The following GBE1 variants were observed in gnomAD, a reference collection of about 807,000 sequenced individuals.
GBE1 encodes 1,4-alpha-glucan branching enzyme 1, also known as 1,4-alpha-glucan-branching enzyme.
A neutral mutation model predicts 88.8 loss-of-function variants in GBE1; 70 were observed. That is an observed-to-expected ratio of 0.79 (90% CI 0.65 to 0.96). GBE1 has a LOEUF of 0.96. GBE1 is among the 40% of genes least tolerant of loss of function. GBE1 has a pLI of 0.00. For synonymous variants in GBE1, 284 were observed against 300.1 expected (o/e 0.95, Z 0.56); for missense variants, 872 against 871.0 (o/e 1.00, Z -0.01).
At chr3:81,530,489 T>C (rs1702997665) in intron 14 of GBE1, among the ~76,000 whole-genome samples, 1 of 152,070 alleles carries the variant, frequency 6.6e-6, no homozygotes, top group Non-Finnish European at 1.5e-5. Flanking sequence ...TTCTAAGTAT[T>C]TGAAGACTTG....
chr3:81,644,301 T>C (rs1454380915), intron 6 of GBE1, among the ~76,000 whole-genome samples: 1 of 152,044 alleles, frequency 6.6e-6, no homozygotes, highest in Non-Finnish European at 1.5e-5. Context: ...GGAGGGAAGG[T>C]TTGCTATTTT....
At chr3:81,529,110 T>C (rs1260441679) in intron 14 of GBE1, among the ~76,000 whole-genome samples, 1 of 152,050 alleles carries the variant, frequency 6.6e-6, no homozygotes, top group Non-Finnish European at 1.5e-5. Flanking sequence ...TTTTTGTCTA[T>C]CTGTGGTAGG....
intron 1 of GBE1, among the ~76,000 whole-genome samples, chr3:81,744,179 T>C (rs1706391170): frequency 6.6e-6 from 1 of 152,124 alleles, no homozygotes; most frequent in Non-Finnish European, 1.5e-5. Flanking sequence ...AACATTATTA[T>C]TAAGCACTTG....
chr3:81,607,088 T>C (rs1704113708), intron 7 of GBE1, among the ~76,000 whole-genome samples: 1 of 152,194 alleles, frequency 6.6e-6, no homozygotes, highest in Non-Finnish European at 1.5e-5. Context: ...TTCATTTTGG[T>C]CAATCATGCA....
chr3:81,743,863 A>T (rs1706385495), intron 1 of GBE1, among the ~76,000 whole-genome samples: 1 of 152,174 alleles, frequency 6.6e-6, no homozygotes, highest in Non-Finnish European at 1.5e-5. Context: ...ACTTAGGGCA[A>T]ACATGACCAC....
intron 7 of GBE1, among the ~76,000 whole-genome samples, chr3:81,631,181 G>A (rs371263652): frequency 4.3e-4 from 65 of 152,246 alleles, no homozygotes; most frequent in African/African-American, 1.5e-3. Context: ...TCCAGCCTGG[G>A]CAACAGAGGG....
rs112966927 is a variant in GBE1, at chr3:81,498,678, T to C, written c.2052+432A>G. Among the ~76,000 whole-genome samples, 8 of 152,294 alleles carry C rather than the reference T, an allele frequency of 5.3e-5. 1 individual carries two copies. The highest frequency in any genetic ancestry group is 1.4e-4 in the African/African-American group (6 of 41,580). On this transcript the variant is annotated intron_variant, in intron 15 of 15. Transcript: ENST00000429644. ...AAAGAAAAGAAAGATACATTTTTCA[T>C]TGACTCCTTTAAGGTGTTTTAAATT...
intron 2 of GBE1, among the ~76,000 whole-genome samples, chr3:81,675,849 G>A (rs772790613): frequency 4.6e-5 from 7 of 151,966 alleles, no homozygotes; most frequent in South Asian, 2.1e-4. Context: ...TGTTTATCAA[G>A]TAAAGAAAAC....
intron 12 of GBE1, among the ~76,000 whole-genome samples, chr3:81,557,773 G>T (rs961075896): frequency 6.6e-6 from 1 of 152,014 alleles, no homozygotes. Flanking sequence ...CAATAAAAGA[G>T]AACCAGTAGA....
rs75622092 is a variant in GBE1, at chr3:81,617,869, C to G, written c.993-23846G>C. On this transcript the variant is annotated intron_variant, in intron 7 of 15. Transcript: ENST00000429644. ...CATGTAGGTTTTCCTATGTTACATG[C>G]TTTTAAGTTACAAATTAAATTTTAT... 6.5e-3 allele frequency among the ~76,000 whole-genome samples: 980 copies of G among 151,880 alleles called. 2 individuals carry two copies. The highest frequency in any genetic ancestry group is 0.027 in the Middle Eastern group (8 of 294).
chr3:81,559,821 T>A (rs886294358), intron 12 of GBE1, among the ~76,000 whole-genome samples: 1 of 151,936 alleles, frequency 6.6e-6, no homozygotes, highest in Non-Finnish European at 1.5e-5. Context: ...ATCAGAAAAG[T>A]CTGCTCCAAA....
At chr3:81,594,860 ATCT>A (rs1320995517) in intron 7 of GBE1, among the ~76,000 whole-genome samples, 1 of 151,964 alleles carries the variant, frequency 6.6e-6, no homozygotes, top group East Asian at 1.9e-4. Flanking sequence ...TGAGTTCTCT[ATCT>A]TATTATAACT....
At chr3:81,742,818 A>G (rs1215280548) in intron 1 of GBE1, among the ~76,000 whole-genome samples, 2 of 152,146 alleles carry the variant, frequency 1.3e-5, no homozygotes. Flanking sequence ...ACAAATTACA[A>G]TCTTCTTCAT....
intron 12 of GBE1, among the ~76,000 whole-genome samples, chr3:81,561,272 T>C (rs1703413015): frequency 6.6e-6 from 1 of 152,054 alleles, no homozygotes; most frequent in Admixed American, 6.6e-5. Context: ...ACTTGTACAG[T>C]CAAAGAAACA....
chr3:81,750,619 A>ATATATATATGTGTG (rs1706504240), intron 1 of GBE1, among the ~76,000 whole-genome samples: 1 of 66,454 alleles, frequency 1.5e-5, no homozygotes, highest in African/African-American at 9.3e-5. Flanking sequence ...ATATATATGT[A>ATATATATATGTGTG]TATATATATA....
chr3:81,588,833 C>T (rs116813894), intron 9 of GBE1, among the ~76,000 whole-genome samples: 95 of 152,198 alleles, frequency 6.2e-4, no homozygotes, highest in Middle Eastern at 6.8e-3. Flanking sequence ...CCTTCTTCTA[C>T]GGCAATAATC....
At chr3:81,713,217 A>G (rs1234375951) in intron 1 of GBE1, among the ~76,000 whole-genome samples, 1 of 152,232 alleles carries the variant, frequency 6.6e-6, no homozygotes, top group African/African-American at 2.4e-5. Context: ...GGAAGAAGAG[A>G]TTAGGAGAAG....
At chr3:81,687,649 G>A (rs377569910) in intron 2 of GBE1, among the ~76,000 whole-genome samples, 4 of 152,134 alleles carry the variant, frequency 2.6e-5, no homozygotes, top group Non-Finnish European at 4.4e-5. Flanking sequence ...CCATGATTCC[G>A]TAGAAGCAGC....
intron 1 of GBE1, among the ~76,000 whole-genome samples, chr3:81,715,200 T>C (rs1195849905): frequency 2.6e-5 from 4 of 152,148 alleles, no homozygotes; most frequent in Non-Finnish European, 4.4e-5. Context: ...TGACCAGCTA[T>C]AAAAGGAGAT....
Sources: gnomAD v4.1 joint callset for allele counts (sites outside exome capture counted in the v4.1 genomes callset) on GRCh38, gnomAD v4.1.1 for gene constraint, MANE v1.5 for transcripts, NCBI Gene and HGNC (gene_info 2026-07-23, HGNC 2026-07-21) for gene names.